Variants in PDE1C observed in about 807,000 individuals in gnomAD.
PDE1C encodes the protein phosphodiesterase 1C.
A neutral mutation model predicts 93.1 loss-of-function variants in PDE1C; 62 were observed. The observed-to-expected ratio is 0.67, with a 90% CI of 0.54 to 0.82. The LOEUF is 0.82. Ranked by LOEUF, PDE1C falls within the 40% of genes least tolerant of loss-of-function variation. The pLI is 0.00. For missense variants in PDE1C, 742 were observed against 884.6 expected (o/e 0.84, Z 2.04); for synonymous variants, 325 against 310.1 (o/e 1.05, Z -0.50).
chr7:32,154,578 C>T (rs1801455545), intron 3 of PDE1C, among the ~76,000 whole-genome samples: 1 of 152,208 alleles, frequency 6.6e-6, no homozygotes, highest in East Asian at 1.9e-4. Context: ...ATTCCATCCT[C>T]CCATCATTAT....
intron 2 of PDE1C, among the ~76,000 whole-genome samples, chr7:32,045,972 T>C (rs1792500590): frequency 6.6e-6 from 1 of 152,226 alleles, no homozygotes; most frequent in Admixed American, 6.5e-5. Context: ...AATCATTTGC[T>C]GGATTTAATC....
At chr7:32,381,672 T>A (rs1232261316) in intron 1 of PDE1C, among the ~76,000 whole-genome samples, 1 of 152,164 alleles carries the variant, frequency 6.6e-6, no homozygotes, top group Non-Finnish European at 1.5e-5. Context: ...CCTTTTCAAG[T>A]CTCTTAGGCA....
At chr7:31,665,466 T>A in the PDE1C span, among the ~76,000 whole-genome samples, 3 of 152,204 alleles carry the variant, frequency 2.0e-5, no homozygotes, top group Non-Finnish European at 4.4e-5. Context: ...CAGGCCTAAA[T>A]CACTTCCTGG....
At chr7:32,276,338 G>T (rs1811285192) in intron 1 of PDE1C, among the ~76,000 whole-genome samples, 1 of 152,118 alleles carries the variant, frequency 6.6e-6, no homozygotes, top group Admixed American at 6.5e-5. Context: ...TTCCTACCTA[G>T]ATATTAATTG....
At chr7:31,651,251 A>T in the PDE1C span, 1 of 1,613,442 alleles carries the variant, frequency 6.2e-7, no homozygotes, top group South Asian at 1.1e-5. Flanking sequence ...TTTTCCAGGG[A>T]CATGTCAGAG....
At chr7:31,739,604 C>G in the PDE1C span, among the ~76,000 whole-genome samples, 6 of 152,150 alleles carry the variant, frequency 3.9e-5, no homozygotes, top group African/African-American at 2.4e-5. Context: ...CAAGGTCACA[C>G]AGCTAGCAAG....
chr7:31,788,265 A>T (rs1784213133), intron 16 of PDE1C: 1 of 152,206 alleles, frequency 6.6e-6, no homozygotes, highest in African/African-American at 2.4e-5. Context: ...CCAGGTTCCA[A>T]GGTCAAAAAT....
chr7:31,734,834 G>T, the PDE1C span, among the ~76,000 whole-genome samples: 1 of 152,260 alleles, frequency 6.6e-6, no homozygotes, highest in East Asian at 1.9e-4. Flanking sequence ...CTGCCAAGTT[G>T]TTAGAACATA....
intron 2 of PDE1C, among the ~76,000 whole-genome samples, chr7:32,023,700 T>C (rs1355850424): frequency 9.9e-5 from 15 of 151,950 alleles, no homozygotes. Context: ...AAAAAACATC[T>C]GTGAAATTAC....
At chr7:32,256,632 G>A (rs1809814176) in intron 1 of PDE1C, among the ~76,000 whole-genome samples, 1 of 152,100 alleles carries the variant, frequency 6.6e-6, no homozygotes, top group African/African-American at 2.4e-5. Flanking sequence ...TGTTCACCAG[G>A]TTCCCCCACC....
chr7:32,302,388 G>A (rs6462350), upstream of PDE1C, among the ~76,000 whole-genome samples: 12,564 of 152,210 alleles, frequency 0.083, 566 homozygotes, highest in Middle Eastern at 0.1. Flanking sequence ...GACTAATTAG[G>A]TTAAGATTAA....
chr7:32,130,992 G>A (rs1799886343), intron 3 of PDE1C, among the ~76,000 whole-genome samples: 1 of 151,930 alleles, frequency 6.6e-6, no homozygotes, highest in Non-Finnish European at 1.5e-5. Flanking sequence ...GTTCCCTTTA[G>A]GTCCCTTCAA....
intron 1 of PDE1C, among the ~76,000 whole-genome samples, chr7:32,066,197 T>C (rs2128719515): frequency 6.6e-6 from 1 of 152,318 alleles, no homozygotes; most frequent in Non-Finnish European, 1.5e-5. Context: ...CCAACTTTTA[T>C]TACCTGGAAG....
intron 1 of PDE1C, among the ~76,000 whole-genome samples, chr7:32,225,671 C>T (rs1807206591): frequency 6.6e-6 from 1 of 152,130 alleles, no homozygotes; most frequent in Admixed American, 6.5e-5. Context: ...CATGCACAGC[C>T]TTGAGAAAGG....
At chr7:32,375,689 C>T (rs1008001051) in intron 1 of PDE1C, among the ~76,000 whole-genome samples, 3 of 152,240 alleles carry the variant, frequency 2.0e-5, no homozygotes, top group African/African-American at 7.2e-5. Context: ...AGGGGTCACA[C>T]AACTTGGCTT....
chr7:31,952,985 C>T (rs1052610148), intron 2 of PDE1C, among the ~76,000 whole-genome samples: 2 of 151,876 alleles, frequency 1.3e-5, no homozygotes, highest in Admixed American at 6.6e-5. Context: ...CTGTAAGTAC[C>T]TTGATTTGGG....
chr7:32,095,274 T>C (rs781594341), intron 3 of PDE1C, among the ~76,000 whole-genome samples: 2 of 152,204 alleles, frequency 1.3e-5, no homozygotes, highest in Non-Finnish European at 2.9e-5. Flanking sequence ...ATCAGTGGCA[T>C]TTCCGATGAG....
rs992360003 is a variant in PDE1C, at chr7:31,820,947, T to A, written c.1582+2126A>T. On this transcript the variant is annotated intron_variant, in intron 14 of 17. Transcript: ENST00000396191. ...CTCAATTCTGCGATGTACATTATCA[T>A]CCCCAAAGTGAGTCTCAAAGAACCT... is the stretch of plus-strand genomic sequence containing the variant. The A allele has an allele frequency of 1.1e-4, 15 of 131,084 alleles. No homozygotes were observed. The East Asian group carries it at 3.4e-3, about 29-fold the overall frequency. 8.1% of individuals were successfully genotyped at this position (131,084 alleles called of 1,614,324 possible). A position where few individuals can be genotyped will look rare whatever the true frequency, so the allele number is the denominator to read the frequency against.
intron 11 of PDE1C, among the ~76,000 whole-genome samples, chr7:31,829,202 T>C (rs1790073844): frequency 6.6e-6 from 1 of 152,144 alleles, no homozygotes; most frequent in African/African-American, 2.4e-5. Context: ...TTTCTCCTAC[T>C]AGATGTGAGA....
Sources: allele counts gnomAD v4.1 joint callset (sites outside exome capture counted in the v4.1 genomes callset), GRCh38; gene constraint gnomAD v4.1.1; transcripts MANE v1.5; gene names NCBI Gene and HGNC (gene_info 2026-07-23, HGNC 2026-07-21).